GFOD1: variants seen among roughly 807,000 people sequenced by gnomAD.
The protein encoded by GFOD1 is Gfo/Idh/MocA-like oxidoreductase domain containing 1.
GFOD1 carries 9 observed loss-of-function variants against 25.4 expected under a neutral mutation model. That is an observed-to-expected ratio of 0.35 (90% CI 0.21 to 0.62). GFOD1 has a LOEUF of 0.62. Among genes scored for constraint, GFOD1 ranks in the 20% least tolerant of loss-of-function variants. The pLI, the probability that GFOD1 is intolerant of heterozygous loss-of-function variation, is 0.72. For missense variants in GFOD1, 403 were observed against 556.9 expected, an observed-to-expected ratio of 0.72 and a Z score of 2.78; for synonymous variants, 253 against 245.6, an observed-to-expected ratio of 1.03 and a Z score of -0.28.
At chr6:13,405,905 G>A (rs995975120) in intron 1 of GFOD1, among the ~76,000 whole-genome samples, 2 of 152,260 alleles carry the variant, frequency 1.3e-5, no homozygotes, top group Non-Finnish European at 2.9e-5. Context: ...ATACTCGCAA[G>A]CCCCAGCCTC....
intron 1 of GFOD1, among the ~76,000 whole-genome samples, chr6:13,478,437 C>G (rs776286164): frequency 6.6e-6 from 1 of 152,202 alleles, no homozygotes; most frequent in Non-Finnish European, 1.5e-5. Context: ...CACACCCAGC[C>G]GAAATGTCCA....
At position 13,364,811 on chromosome 6, in the gene GFOD1, G is replaced by A. The variant is rs1027362930; in HGVS notation, c.1105C>T (p.Pro369Ser). 1.4e-5 allele frequency: 22 copies of A among 1,613,804 alleles called. No individual in the cohort carries two copies. The highest frequency in any genetic ancestry group is 1.8e-5 in the Non-Finnish European group (21 of 1,180,030). ...ATCAGGTAGGCGGGGCTCAGCTCCG[G>A]CTCCTCGGTCATGATGGCAATGTTC... ...WQNIAIMTEE[P>S]ELSPAYLISE... is the part of the protein sequence containing the mutation. The change falls in exon 2 of 2, where the codon CCG (proline) becomes TCG (serine). Residue 369 changes from proline (P) to serine (S), a missense_variant. Coordinates refer to ENST00000379287, the MANE Select transcript of GFOD1 (RefSeq NM_018988.4). This position sits in a 1 kb window ranked among gnomAD's most constrained non-coding sequence, Gnocchi z 4.1.
chr6:13,465,729 G>A (rs1211323679), intron 1 of GFOD1, among the ~76,000 whole-genome samples: 1 of 152,206 alleles, frequency 6.6e-6, no homozygotes, highest in African/African-American at 2.4e-5. Context: ...ATTGAGCCCA[G>A]TGAAGCTGAG....
At chr6:13,377,087 A>G (rs573864865) in intron 1 of GFOD1, among the ~76,000 whole-genome samples, 19 of 152,250 alleles carry the variant, frequency 1.2e-4, no homozygotes, top group African/African-American at 4.1e-4. Context: ...AAAATGCAAA[A>G]ATCCAGAAAC....
intron 1 of GFOD1, among the ~76,000 whole-genome samples, chr6:13,428,482 T>C (rs1757683898): frequency 1.4e-5 from 2 of 144,586 alleles, no homozygotes; most frequent in African/African-American, 2.6e-5. Context: ...CCATTTTCCA[T>C]CACCTTCTGA....
intron 1 of GFOD1, among the ~76,000 whole-genome samples, chr6:13,445,237 C>T (rs1191818953): frequency 6.6e-6 from 1 of 152,220 alleles, no homozygotes; most frequent in African/African-American, 2.4e-5. Context: ...TTCACCAACT[C>T]CTGTCTTCAT....
At chr6:13,432,830 T>C (rs1757773012) in intron 1 of GFOD1, among the ~76,000 whole-genome samples, 1 of 152,194 alleles carries the variant, frequency 6.6e-6, no homozygotes, top group Non-Finnish European at 1.5e-5. Context: ...CTGTCTCCCC[T>C]TCCTACACTG....
At position 13,361,693 on chromosome 6, in the gene GFOD1, C is replaced by T. The variant is rs971475155; in HGVS notation, c.*3050G>A. ...AGGAGTATCTCAAACCCATTTGCTACAGTTTATATTTAAAGAAAATGAACT... is the reference window on the plus strand; with the variant it reads ...AGGAGTATCTCAAACCCATTTGCTATAGTTTATATTTAAAGAAAATGAACT... On this transcript the variant is annotated 3_prime_UTR_variant, in exon 2 of 2. Transcript: ENST00000379287. 5 of 152,190 alleles carry T rather than the reference C, an allele frequency of 3.3e-5. No individual in the cohort carries two copies. Among genetic ancestry groups the T allele is most frequent in the African/African-American group, 1.2e-4 (5 of 41,436 alleles). The allele number at this position is 152,190 out of a possible 1,614,324, so 9.4% of individuals were successfully genotyped here.
At chr6:13,475,166 ACTGT>A (rs56901813) in intron 1 of GFOD1, among the ~76,000 whole-genome samples, 4,930 of 152,324 alleles carry the variant, frequency 0.032, 111 homozygotes, top group African/African-American at 0.06. Flanking sequence ...GAAAAATGTG[ACTGT>A]CTAATAAACA....
intron 1 of GFOD1, among the ~76,000 whole-genome samples, chr6:13,480,440 T>C (rs1251778516): frequency 6.6e-6 from 1 of 152,238 alleles, no homozygotes; most frequent in Non-Finnish European, 1.5e-5. Context: ...TCATCTTTAG[T>C]GTCTGACTGT....
At chr6:13,471,931 A>T (rs1298636194) in intron 1 of GFOD1, 1 of 153,322 alleles carries the variant, frequency 6.5e-6, no homozygotes, top group East Asian at 1.9e-4. Flanking sequence ...CAAGCTGCTG[A>T]TAAAGACATA....
chr6:13,420,533 A>G (rs1786238582), intron 1 of GFOD1, among the ~76,000 whole-genome samples: 1 of 152,210 alleles, frequency 6.6e-6, no homozygotes, highest in Non-Finnish European at 1.5e-5. Flanking sequence ...ACCAATCGAG[A>G]TGGATCCCAG....
At chr6:13,454,756 A>C (rs758948086) in intron 1 of GFOD1, among the ~76,000 whole-genome samples, 1 of 152,158 alleles carries the variant, frequency 6.6e-6, no homozygotes, top group Non-Finnish European at 1.5e-5. Context: ...CAGACAGTGC[A>C]TGAGTCACAG....
chr6:13,416,660 C>G (rs1346999474), intron 1 of GFOD1, among the ~76,000 whole-genome samples: 1 of 152,130 alleles, frequency 6.6e-6, no homozygotes, highest in East Asian at 1.9e-4. Flanking sequence ...AAATTTTATC[C>G]TAAGGGTAAT....
rs145365699 is a variant in GFOD1 at position 13,405,380 on chromosome 6, A to G, written c.254-39718T>C. 1.6e-3 allele frequency among the ~76,000 whole-genome samples: 239 copies of G among 152,376 alleles called. 1 individual carries two copies. The highest frequency in any genetic ancestry group is 5.4e-3 in the African/African-American group (224 of 41,596). ...TTTAATAATATATTTTCCTTAACAC[A>G]ATATATCCAAAATTTTATTAACATG... On this transcript the variant is annotated intron_variant, in intron 1 of 1. Coordinates refer to ENST00000379287, the MANE Select transcript of GFOD1 (RefSeq NM_018988.4).
intron 1 of GFOD1, among the ~76,000 whole-genome samples, chr6:13,473,526 A>G (rs776326154): frequency 3.3e-5 from 5 of 152,216 alleles, no homozygotes; most frequent in Non-Finnish European, 7.3e-5. Flanking sequence ...TCACCATTTG[A>G]GATACGAAGG....
At chr6:13,410,090 G>A (rs1786047703) in intron 1 of GFOD1, among the ~76,000 whole-genome samples, 1 of 146,630 alleles carries the variant, frequency 6.8e-6, no homozygotes, top group South Asian at 2.1e-4. Flanking sequence ...AGGTAACATA[G>A]GGAAATAAAG....
intron 1 of GFOD1, among the ~76,000 whole-genome samples, chr6:13,397,204 G>T (rs1212753754): frequency 6.6e-6 from 1 of 152,152 alleles, no homozygotes; most frequent in Non-Finnish European, 1.5e-5. Context: ...CTCCCAAAGT[G>T]CTGGGATTAC....
chr6:13,380,398 T>C (rs1785340858), intron 1 of GFOD1, among the ~76,000 whole-genome samples: 1 of 152,236 alleles, frequency 6.6e-6, no homozygotes, highest in Non-Finnish European at 1.5e-5. Context: ...ACACTTACTG[T>C]AGGGCTCTCT....
Sources: allele counts gnomAD v4.1 joint callset (sites outside exome capture counted in the v4.1 genomes callset), GRCh38; gene constraint gnomAD v4.1.1; non-coding constraint Gnocchi (gnomAD v3.1); transcripts MANE v1.5; gene names NCBI Gene and HGNC (gene_info 2026-07-23, HGNC 2026-07-21).